GGT7: variants seen among roughly 807,000 people sequenced by gnomAD.
GGT7 encodes glutathione hydrolase 7.
A neutral mutation model predicts 69.2 loss-of-function variants in GGT7; 30 were observed. The ratio of observed to expected loss-of-function variants is 0.43; its 90% CI spans 0.32 to 0.59. GGT7 has a LOEUF of 0.59. Ranked by LOEUF, GGT7 falls within the 20% of genes least tolerant of loss-of-function variation. The pLI is 0.05. For synonymous variants in GGT7, 388 were observed against 391.8 expected, an observed-to-expected ratio of 0.99 and a Z score of 0.12; for missense variants, 733 against 901.1, an observed-to-expected ratio of 0.81 and a Z score of 2.39.
intron 14 of GGT7, among the ~76,000 whole-genome samples, chr20:34,848,585 T>C (rs907637965): frequency 2.6e-5 from 4 of 152,258 alleles, no homozygotes; most frequent in Non-Finnish European, 5.9e-5. Flanking sequence ...GGGATCCAAG[T>C]GTCGCTGGCC....
intron 14 of GGT7, 102 bp from the exon 15 acceptor site, chr20:34,845,593 G>A: frequency 3.1e-6 from 3 of 959,068 alleles, no homozygotes; most frequent in Non-Finnish European, 3.2e-6. Flanking sequence ...CTCCACCACA[G>A]AGCTGTATGA....
At position 34,854,841 on chromosome 20, in the gene GGT7, G is replaced by A. The variant is rs780445532; in HGVS notation, c.1185C>T (p.Leu395=). 21 of 1,614,002 alleles carry A rather than the reference G, an allele frequency of 1.3e-5. No individual in the cohort carries two copies. The Admixed American group carries it at 3.5e-4, about 27-fold the overall frequency. ...SALNILEGFN[L]TSLVSREQAL... is the part of the protein sequence containing the mutation. ...CCTGTTCTCGGGATACCAGGCTGGT[G>A]AGATTGAAGCCCTCCAGGATGTTGA... The change falls in exon 9 of 15, where the codon CTC becomes CTT. Residue 395 remains leucine (L), a synonymous_variant. Transcript: ENST00000336431.
intron 1 of GGT7, among the ~76,000 whole-genome samples, chr20:34,871,778 G>A (rs957532571): frequency 1.3e-5 from 2 of 152,348 alleles, no homozygotes; most frequent in South Asian, 2.1e-4. Context: ...AGGAAGTGAC[G>A]TGCAGGGACA....
Position 34,863,059 on chromosome 20 carries a change from G to C in GGT7, c.406-94C>G. The C allele has an allele frequency of 1.2e-5, 15 of 1,255,994 alleles. No individual in the cohort carries two copies. The highest frequency in any genetic ancestry group is 2.5e-5 in the East Asian group (1 of 39,366). 77.8% of individuals were successfully genotyped at this position (1,255,994 alleles called of 1,614,324 possible). A position where few individuals can be genotyped will look rare whatever the true frequency, so the allele number is the denominator to read the frequency against. ...CCCTAGAACTCTACGCGGCATGAAGGTCGAAGCCCTGCCCCCTTGTTGCCT... is the reference window on the plus strand; with the variant it reads ...CCCTAGAACTCTACGCGGCATGAAGCTCGAAGCCCTGCCCCCTTGTTGCCT... On this transcript the variant is annotated intron_variant, in intron 2 of 14. Transcript: ENST00000336431. The surrounding 1 kb of genome is among the most constrained non-coding windows in gnomAD (Gnocchi z 4.4).
chr20:34,860,471 A>T, intron 4 of GGT7, 150 bp from the exon 5 acceptor site: 1 of 659,462 alleles, frequency 1.5e-6, no homozygotes, highest in South Asian at 1.7e-5. Context: ...AGCTTTCCCA[A>T]GCAGGCACCC....
intron 1 of GGT7, among the ~76,000 whole-genome samples, chr20:34,864,403 G>T (rs1360259674): frequency 6.6e-6 from 1 of 152,128 alleles, no homozygotes; most frequent in Non-Finnish European, 1.5e-5. Flanking sequence ...CAGGCATGGG[G>T]AAAGAGTAGT....
intron 14 of GGT7, among the ~76,000 whole-genome samples, chr20:34,848,565 T>G (rs1429164718): frequency 6.6e-6 from 1 of 152,252 alleles, no homozygotes; most frequent in East Asian, 1.9e-4. Flanking sequence ...GGCCTTGTCA[T>G]CTATCAGCTG....
intron 1 of GGT7, among the ~76,000 whole-genome samples, chr20:34,871,110 A>G (rs1428171825): frequency 6.6e-6 from 1 of 152,214 alleles, no homozygotes; most frequent in African/African-American, 2.4e-5. Flanking sequence ...AGTGAACAAA[A>G]CAATCATGAT....
In GGT7 at chr20:34,862,870, C is replaced by G. The variant is rs766254753; in HGVS notation, c.501G>C (p.Ala167=). ...LSKQGSSVDA[A]VAAALCLGIV... ...TACCCAAACACAAGGCTGCTGCCAC[C>G]GCTGCGTCCACAGAAGATCCCTGTT... The change falls in exon 3 of 15, where the codon GCG becomes GCC. Residue 167 remains alanine (A), a synonymous_variant. Transcript: ENST00000336431. 19 of 1,614,040 alleles carry G rather than the reference C, an allele frequency of 1.2e-5. No homozygotes were observed. Among genetic ancestry groups the G allele is most frequent in the Admixed American group, 1.7e-5 (1 of 60,012 alleles).
intron 4 of GGT7, 198 bp downstream of exon 4, chr20:34,861,247 C>G: frequency 2.6e-6 from 1 of 389,260 alleles, no homozygotes; most frequent in Non-Finnish European, 4.5e-6. Flanking sequence ...GGTAAGATTC[C>G]CAGAGAAGTA....
intron 7 of GGT7, among the ~76,000 whole-genome samples, chr20:34,858,039 A>G (rs1266583279): frequency 6.6e-6 from 1 of 152,194 alleles, no homozygotes; most frequent in Non-Finnish European, 1.5e-5. Flanking sequence ...CCTCCAGGAA[A>G]GGGCACACAA....
At chr20:34,867,157 TCAAA>T (rs924919678) in intron 1 of GGT7, among the ~76,000 whole-genome samples, 2 of 151,958 alleles carry the variant, frequency 1.3e-5, no homozygotes, top group African/African-American at 2.4e-5. Flanking sequence ...ACTCCTGAGC[TCAAA>T]CAATCATCCC....
At chr20:34,854,245 G>T (rs150743338) in intron 10 of GGT7, among the ~76,000 whole-genome samples, 7 of 152,212 alleles carry the variant, frequency 4.6e-5, no homozygotes, top group Middle Eastern at 3.4e-3. Context: ...CTTTTGTTTG[G>T]TATTGAGCTT....
intron 1 of GGT7, among the ~76,000 whole-genome samples, chr20:34,864,098 G>A (rs1270202677): frequency 6.6e-6 from 1 of 152,168 alleles, no homozygotes; most frequent in Non-Finnish European, 1.5e-5. Flanking sequence ...ATAAGCAAAG[G>A]AGTCTATAAT....
chr20:34,860,566 ACT>A (rs2079575686), intron 4 of GGT7, among the ~76,000 whole-genome samples: 1 of 149,122 alleles, frequency 6.7e-6, no homozygotes, highest in African/African-American at 2.5e-5. Context: ...ATTAAGCAAA[ACT>A]CTTTTAAGAG....
chr20:34,857,023 CT>C, intron 7 of GGT7, 130 bp from the exon 8 acceptor site: 2 of 686,532 alleles, frequency 2.9e-6, no homozygotes, highest in Non-Finnish European at 2.7e-6. Flanking sequence ...CCATCGTGGC[CT>C]TTAGAGACCC....
chr20:34,853,506 G>A (rs1386053543), intron 10 of GGT7, among the ~76,000 whole-genome samples: 11 of 149,790 alleles, frequency 7.3e-5, no homozygotes, highest in African/African-American at 2.2e-4. Flanking sequence ...AGGTTACAGT[G>A]AGCCAAGATC....
chr20:34,867,935 C>T (rs1296649287), intron 1 of GGT7, among the ~76,000 whole-genome samples: 1 of 152,348 alleles, frequency 6.6e-6, no homozygotes, highest in East Asian at 1.9e-4. Context: ...GCAATCTCGG[C>T]TCACTGCAAC....
chr20:34,869,839 C>A (rs764868021), intron 1 of GGT7, among the ~76,000 whole-genome samples: 1 of 152,108 alleles, frequency 6.6e-6, no homozygotes, highest in Non-Finnish European at 1.5e-5. Context: ...ATAGAACATG[C>A]TATAGATGAG....
Sources: allele counts gnomAD v4.1 joint callset (sites outside exome capture counted in the v4.1 genomes callset), GRCh38; gene constraint gnomAD v4.1.1; non-coding constraint Gnocchi (gnomAD v3.1); transcripts MANE v1.5; gene names NCBI Gene and HGNC (gene_info 2026-07-23, HGNC 2026-07-21).